The following RAPGEF2 variants were observed in gnomAD, a reference collection of about 807,000 sequenced individuals.
RAPGEF2 encodes PDZ domain containing guanine nucleotide exchange factor (GEF) 1.
A neutral mutation model predicts 186.7 loss-of-function variants in RAPGEF2; 54 were observed. The ratio of observed to expected loss-of-function variants is 0.29; its 90% CI spans 0.23 to 0.36. The LOEUF (loss-of-function observed/expected upper bound fraction) is 0.36. RAPGEF2 is among the 10% of genes least tolerant of loss of function. The pLI is 1.00. For missense variants in RAPGEF2, 1,532 were observed against 2,045.0 expected (o/e 0.75, Z 4.84); for synonymous variants, 712 against 705.9 (o/e 1.01, Z -0.14).
chr4:159,252,962 AAAAC>A (rs766753843), intron 7 of RAPGEF2, among the ~76,000 whole-genome samples: 2 of 152,236 alleles, frequency 1.3e-5, no homozygotes, highest in Non-Finnish European at 2.9e-5. Context: ...GGGGAAATAT[AAAAC>A]AAATTTATAA....
chr4:159,346,230 A>G (rs1730288541), intron 24 of RAPGEF2, among the ~76,000 whole-genome samples: 1 of 152,202 alleles, frequency 6.6e-6, no homozygotes, highest in African/African-American at 2.4e-5. Flanking sequence ...TTATTGTCCT[A>G]AATTGCTTTG....
Position 159,183,683 on chromosome 4 carries a change from A to G in RAPGEF2, c.70-2959A>G, listed in dbSNP as rs184420483. ...AATAAGGACCTTCTATCCAGAATGT[A>G]TAAAGGACGGTTACAATTTAATGAT... On this transcript the variant is annotated intron_variant, in intron 1 of 29. Transcript: ENST00000691494. Among the ~76,000 whole-genome samples, 3 of 152,386 alleles carry G rather than the reference A, an allele frequency of 2.0e-5. No homozygotes were observed. The East Asian group carries it at 5.8e-4, about 29-fold the overall frequency.
At chr4:159,139,174 G>C (rs1391455012) in intron 1 of RAPGEF2, among the ~76,000 whole-genome samples, 1 of 152,202 alleles carries the variant, frequency 6.6e-6, no homozygotes, top group African/African-American at 2.4e-5. Flanking sequence ...TTGGGATGCA[G>C]AGATTGGTAA....
chr4:159,347,536 G>A (rs889447392), intron 25 of RAPGEF2, among the ~76,000 whole-genome samples: 2 of 152,248 alleles, frequency 1.3e-5, no homozygotes, highest in Non-Finnish European at 2.9e-5. Context: ...TGTAATCCCA[G>A]CACTTTGGGA....
intron 1 of RAPGEF2, among the ~76,000 whole-genome samples, chr4:159,178,023 G>A (rs879234864): frequency 6.6e-6 from 1 of 152,100 alleles, no homozygotes; most frequent in Non-Finnish European, 1.5e-5. Flanking sequence ...TACCACTTAG[G>A]CCTCAACCTC....
intron 4 of RAPGEF2, among the ~76,000 whole-genome samples, chr4:159,214,728 CTTTAGA>C (rs1309312065): frequency 2.0e-5 from 3 of 152,066 alleles, no homozygotes; most frequent in Non-Finnish European, 4.4e-5. Context: ...GTATCTAGCT[CTTTAGA>C]TTATTTGTTA....
At chr4:159,182,412 T>TG (rs1747115746) in intron 1 of RAPGEF2, among the ~76,000 whole-genome samples, 1 of 104,274 alleles carries the variant, frequency 9.6e-6, no homozygotes, top group Non-Finnish European at 2.0e-5. Context: ...TTTTTTTTTT[T>TG]TGATACAGAG....
At chr4:159,219,112 C>T (rs1751261759) in intron 4 of RAPGEF2, among the ~76,000 whole-genome samples, 1 of 152,276 alleles carries the variant, frequency 6.6e-6, no homozygotes, top group Non-Finnish European at 1.5e-5. Context: ...TCAGTTCATC[C>T]TCTAGGACTT....
chr4:159,219,594 A>T (rs1751335017), intron 4 of RAPGEF2, among the ~76,000 whole-genome samples: 1 of 152,158 alleles, frequency 6.6e-6, no homozygotes, highest in Non-Finnish European at 1.5e-5. Flanking sequence ...TGACCTCATG[A>T]TCTGCCTGCC....
At chr4:159,320,490 G>A (rs1314708413) in intron 9 of RAPGEF2, among the ~76,000 whole-genome samples, 1 of 152,178 alleles carries the variant, frequency 6.6e-6, no homozygotes, top group Non-Finnish European at 1.5e-5. Flanking sequence ...GGTAGCAAAA[G>A]TAAAGTGATT....
intron 4 of RAPGEF2, among the ~76,000 whole-genome samples, chr4:159,227,344 TA>T (rs1236450186): frequency 6.6e-6 from 1 of 152,200 alleles, no homozygotes; most frequent in Non-Finnish European, 1.5e-5. Flanking sequence ...ATGAATTTTA[TA>T]AAAAATAAGG....
intron 7 of RAPGEF2, among the ~76,000 whole-genome samples, chr4:159,251,893 A>G (rs972050834): frequency 2.6e-5 from 4 of 151,696 alleles, no homozygotes; most frequent in East Asian, 1.9e-4. Flanking sequence ...CGTGGAGTAA[A>G]TTTTGCTGCG....
rs944001407 is a variant in RAPGEF2, at chr4:159,277,053, C to T, written c.544-27289C>T. ...CTCATCATTTACATTAGGTATATCT[C>T]CTAATGCTATCCCTCCCCCCTCCCC... On this transcript the variant is annotated intron_variant, in intron 7 of 29. Transcript: ENST00000691494. 3.3e-5 allele frequency among the ~76,000 whole-genome samples: 5 copies of T among 151,684 alleles called. No homozygotes were observed. In the East Asian group the frequency reaches 9.7e-4, roughly 30 times the overall value.
At chr4:159,324,473 C>G (rs1404910624) in intron 11 of RAPGEF2, among the ~76,000 whole-genome samples, 1 of 152,058 alleles carries the variant, frequency 6.6e-6, no homozygotes, top group Non-Finnish European at 1.5e-5. Context: ...TTTTAAATTG[C>G]CAACAGTAAT....
At chr4:159,281,613 A>G (rs1024003874) in intron 7 of RAPGEF2, among the ~76,000 whole-genome samples, 45 of 150,504 alleles carry the variant, frequency 3.0e-4, no homozygotes, top group Admixed American at 9.3e-4. Context: ...GGAGGTTGCA[A>G]TGAGCTGAGA....
chr4:159,125,069 G>A (rs1388560377), intron 1 of RAPGEF2, among the ~76,000 whole-genome samples: 1 of 151,742 alleles, frequency 6.6e-6, no homozygotes, highest in Non-Finnish European at 1.5e-5. Flanking sequence ...TTAGATGAGA[G>A]GTTTTAATAC....
intron 1 of RAPGEF2, among the ~76,000 whole-genome samples, chr4:159,147,896 A>G (rs990983639): frequency 2.6e-5 from 4 of 152,230 alleles, no homozygotes; most frequent in Non-Finnish European, 4.4e-5. Flanking sequence ...GCAAAGAAAG[A>G]GTTTTTGGCA....
At chr4:159,258,081 A>G (rs1004135091) in intron 7 of RAPGEF2, among the ~76,000 whole-genome samples, 2 of 152,198 alleles carry the variant, frequency 1.3e-5, no homozygotes, top group African/African-American at 2.4e-5. Context: ...GTTGTTAGCA[A>G]TTCTAATAAT....
intron 7 of RAPGEF2, chr4:159,267,392 TC>T: frequency 1.7e-6 from 2 of 1,161,214 alleles, no homozygotes; most frequent in Non-Finnish European, 2.3e-6. Context: ...GTGCTGTGTT[TC>T]TGTTAGTGGC....
Sources: allele counts gnomAD v4.1 joint callset (sites outside exome capture counted in the v4.1 genomes callset), GRCh38; gene constraint gnomAD v4.1.1; transcripts MANE v1.5; gene names NCBI Gene and HGNC (gene_info 2026-07-23, HGNC 2026-07-21).